The following PLD1 variants were observed in gnomAD, a reference collection of about 807,000 sequenced individuals.
PLD1 encodes the protein phospholipase D1.
PLD1 carries 112 observed loss-of-function variants against 137.1 expected under a neutral mutation model. The ratio of observed to expected loss-of-function variants is 0.82; its 90% CI spans 0.70 to 0.96. The LOEUF (loss-of-function observed/expected upper bound fraction) is 0.96. PLD1 is among the 40% of genes least tolerant of loss of function. The pLI, the probability that PLD1 is intolerant of heterozygous loss-of-function variation, is 0.00. For missense variants in PLD1, 1,321 were observed against 1,342.0 expected, an observed-to-expected ratio of 0.98 and a Z score of 0.24; for synonymous variants, 431 against 454.7, an observed-to-expected ratio of 0.95 and a Z score of 0.66.
At chr3:171,799,337 TAAAAAAAAAAAA>T (rs758379833) in intron 1 of PLD1, among the ~76,000 whole-genome samples, 14 of 57,866 alleles carry the variant, frequency 2.4e-4, no homozygotes, top group Non-Finnish European at 3.3e-4. Flanking sequence ...AGACTCCGTC[TAAAAAAAAAAAA>T]AAAAAAAAAA....
chr3:171,733,336 A>G, intron 6 of PLD1, 108 bp downstream of exon 6: 1 of 582,020 alleles, frequency 1.7e-6, no homozygotes, highest in East Asian at 2.9e-5. Context: ...GCAAGGACGA[A>G]TGTAGGTGTG....
At chr3:171,681,518 A>G (rs551006566) in intron 16 of PLD1, among the ~76,000 whole-genome samples, 3 of 152,322 alleles carry the variant, frequency 2.0e-5, no homozygotes, top group African/African-American at 7.2e-5. Flanking sequence ...CTACCTTTTT[A>G]GTCTCTACCT....
chr3:171,763,142 A>T (rs1043645559), intron 1 of PLD1, among the ~76,000 whole-genome samples: 1 of 152,082 alleles, frequency 6.6e-6, no homozygotes, highest in Non-Finnish European at 1.5e-5. Flanking sequence ...GTGAGTGTGG[A>T]CCAGAAACCA....
chr3:171,605,261 G>A (rs1360298108), intron 26 of PLD1, 38 bp downstream of exon 26: 1 of 1,100,914 alleles, frequency 9.1e-7, no homozygotes, highest in African/African-American at 1.5e-5. Flanking sequence ...ATGAGATTCA[G>A]TGAAAAGAAA....
intron 1 of PLD1, chr3:171,792,917 C>T (rs892975368): frequency 3.1e-6 from 1 of 327,400 alleles, no homozygotes; most frequent in Non-Finnish European, 6.0e-6. Flanking sequence ...GAAGCCAAAG[C>T]GGAAGACTCC....
chr3:171,650,670 C>T (rs193260849), intron 21 of PLD1, among the ~76,000 whole-genome samples: 31 of 152,232 alleles, frequency 2.0e-4, no homozygotes, highest in African/African-American at 6.3e-4. Context: ...TGTGGAAATG[C>T]GCTTGAGCTA....
chr3:171,689,966 G>C (rs1428944310), intron 13 of PLD1, among the ~76,000 whole-genome samples: 1 of 152,168 alleles, frequency 6.6e-6, no homozygotes. Flanking sequence ...GAGAAAGATT[G>C]GTGGTAATTC....
chr3:171,758,733 C>T lies in PLD1; in HGVS notation c.-31-20651G>A. Among the ~76,000 whole-genome samples the T allele has an allele frequency of 2.0e-5, 3 of 152,300 alleles. No individual in the cohort carries two copies. In the South Asian group the frequency reaches 6.2e-4, roughly 32 times the overall value. On this transcript the variant is annotated intron_variant, in intron 1 of 26. Coordinates refer to ENST00000351298, the MANE Select transcript of PLD1 (RefSeq NM_002662.5). ...ACAGAAGCGTTGTGCCCAGAGAGAA[C>T]AAAACCAGCTGGCTTTGGCTGTATC...
At chr3:171,720,243 G>A (rs886875825) in intron 8 of PLD1, among the ~76,000 whole-genome samples, 1 of 136,734 alleles carries the variant, frequency 7.3e-6, no homozygotes, top group South Asian at 2.3e-4. Flanking sequence ...GCAGTGAGCC[G>A]AGATCATACC....
intron 1 of PLD1, among the ~76,000 whole-genome samples, chr3:171,778,967 C>A (rs1578462808): frequency 6.6e-6 from 1 of 152,154 alleles, no homozygotes; most frequent in Non-Finnish European, 1.5e-5. Flanking sequence ...GTGGGTGGAT[C>A]ACTTGAGGTC....
At chr3:171,738,272 A>T (rs1203083896) in intron 1 of PLD1, among the ~76,000 whole-genome samples, 190 bp from the exon 2 acceptor site, 1 of 152,072 alleles carries the variant, frequency 6.6e-6, no homozygotes. Flanking sequence ...TAACTTGTAA[A>T]TTAAAACAGA....
intron 25 of PLD1, among the ~76,000 whole-genome samples, chr3:171,608,607 A>G (rs1732399844): frequency 6.6e-6 from 1 of 152,220 alleles, no homozygotes; most frequent in South Asian, 2.1e-4. Context: ...GAGACTAGCG[A>G]GAAGCCAGAA....
At chr3:171,661,841 T>C (rs1391234272) in intron 20 of PLD1, among the ~76,000 whole-genome samples, 1 of 152,206 alleles carries the variant, frequency 6.6e-6, no homozygotes, top group African/African-American at 2.4e-5. Flanking sequence ...TTTGTGAGAC[T>C]CCCAATAGAA....
intron 1 of PLD1, among the ~76,000 whole-genome samples, chr3:171,751,886 G>A (rs1720688063): frequency 6.6e-6 from 1 of 152,064 alleles, no homozygotes; most frequent in Non-Finnish European, 1.5e-5. Context: ...TGTAGTGCTA[G>A]CTACTCTTTG....
At chr3:171,747,006 C>T (rs986386438) in intron 1 of PLD1, among the ~76,000 whole-genome samples, 3 of 152,170 alleles carry the variant, frequency 2.0e-5, no homozygotes, top group Non-Finnish European at 4.4e-5. Context: ...CTTCTCAGGC[C>T]AGCAAGACCA....
At chr3:171,692,904 T>C (rs1190036564) in intron 12 of PLD1, among the ~76,000 whole-genome samples, 1 of 152,210 alleles carries the variant, frequency 6.6e-6, no homozygotes, top group African/African-American at 2.4e-5. Flanking sequence ...GACACATAAG[T>C]GCGTATATTG....
At chr3:171,621,839 T>C (rs1733664275) in intron 23 of PLD1, among the ~76,000 whole-genome samples, 1 of 152,204 alleles carries the variant, frequency 6.6e-6, no homozygotes, top group African/African-American at 2.4e-5. Flanking sequence ...CCATTTCCTT[T>C]TTTAAGCCCC....
Position 171,673,969 on chromosome 3 carries a change from G to A in PLD1, c.2229+531C>T, listed in dbSNP as rs867229855. Reference sequence around the variant, plus strand: ...CACCTCTGTTGATAACTAGCTGGCCGGCCCTAGATAGGCCTCAGAGCCCCA... The same window carrying A: ...CACCTCTGTTGATAACTAGCTGGCCAGCCCTAGATAGGCCTCAGAGCCCCA... On this transcript the variant is annotated intron_variant, in intron 19 of 26. Transcript: ENST00000351298. Among the ~76,000 whole-genome samples the A allele has an allele frequency of 2.2e-4, 33 of 152,282 alleles. No individual in the cohort carries two copies. In the Middle Eastern group the frequency reaches 0.014, roughly 63 times the overall value.
In PLD1 at chr3:171,625,681, A is replaced by G. The variant is rs972751137; in HGVS notation, c.2594-5161T>C. 2.6e-5 allele frequency among the ~76,000 whole-genome samples: 4 copies of G among 152,326 alleles called. No individual in the cohort carries two copies. In the East Asian group the frequency reaches 7.7e-4, roughly 29 times the overall value. On this transcript the variant is annotated intron_variant, in intron 23 of 26. Transcript: ENST00000351298. ...TCCAGAGAAATGTTCAGACAGCAGT[A>G]TTCGCGGTTCACAAAAATCCACTGT...
Sources: allele counts gnomAD v4.1 joint callset (sites outside exome capture counted in the v4.1 genomes callset), GRCh38; gene constraint gnomAD v4.1.1; transcripts MANE v1.5; gene names NCBI Gene and HGNC (gene_info 2026-07-23, HGNC 2026-07-21).